The following ATG13 variants were observed in gnomAD, a reference collection of about 807,000 sequenced individuals.
The protein encoded by ATG13 is autophagy-related protein 13.
A neutral mutation model predicts 65.5 loss-of-function variants in ATG13; 23 were observed. The ratio of observed to expected loss-of-function variants is 0.35; its 90% CI spans 0.25 to 0.50. The LOEUF is 0.50. Among genes scored for constraint, ATG13 ranks in the 20% least tolerant of loss-of-function variants. The pLI, the probability that ATG13 is intolerant of heterozygous loss-of-function variation, is 0.98. For missense variants in ATG13, 566 were observed against 677.0 expected (o/e 0.84, Z 1.82); for synonymous variants, 252 against 245.2 (o/e 1.03, Z -0.26).
At chr11:46,622,115 A>G (rs1380914450) in intron 1 of ATG13, among the ~76,000 whole-genome samples, 1 of 80,678 alleles carries the variant, frequency 1.2e-5, no homozygotes, top group Non-Finnish European at 2.4e-5. Context: ...ATATATATAT[A>G]TATATATATA....
intron 10 of ATG13, among the ~76,000 whole-genome samples, chr11:46,658,826 C>A (rs1220149036): frequency 1.3e-5 from 2 of 151,916 alleles, no homozygotes; most frequent in African/African-American, 2.4e-5. Flanking sequence ...GTGAGTGAGT[C>A]TACCAATTTA....
At chr11:46,652,256 C>T (rs978496035) in intron 7 of ATG13, among the ~76,000 whole-genome samples, 7 of 150,318 alleles carry the variant, frequency 4.7e-5, no homozygotes, top group Middle Eastern at 3.5e-3. Flanking sequence ...TCAAAAAAAC[C>T]CAAACAAACT....
In ATG13 at chr11:46,656,205, A is replaced by G. The variant is rs767627519; in HGVS notation, c.459-28A>G. 1.4e-5 allele frequency: 23 copies of G among 1,604,342 alleles called. No homozygotes were observed. The Admixed American group carries it at 3.9e-4, about 27-fold the overall frequency. ...GGCCCTTAGGAGTAAAGAATCAGGT[A>G]ACATTTCTTATTTTTTCTTCCATAC... is the stretch of plus-strand genomic sequence containing the variant. On this transcript the variant is annotated intron_variant, in intron 7 of 18. Transcript: ENST00000683050.
At chr11:46,645,637 A>C (rs542902649) in intron 4 of ATG13, among the ~76,000 whole-genome samples, 1 of 152,356 alleles carries the variant, frequency 6.6e-6, no homozygotes, top group East Asian at 1.9e-4. Context: ...TGAAAAGCTT[A>C]GTCCTTGTAA....
rs993453707 is a variant in ATG13 at position 46,673,218 on chromosome 11, G to A, written c.*886G>A. The stretch of plus-strand genomic sequence containing the variant: ...TTGGAGAAGGCGGAGGGCTCTTCCT[G>A]GGACGGAGACCTCCTCCTCCGGAGG... On this transcript the variant is annotated 3_prime_UTR_variant, in exon 19 of 19. Transcript: ENST00000683050. The A allele has an allele frequency of 6.5e-6, 1 of 154,502 alleles. No individual in the cohort carries two copies. Among genetic ancestry groups the A allele is most frequent in the African/African-American group, 2.4e-5 (1 of 41,458 alleles). 9.6% of individuals were successfully genotyped at this position (154,502 alleles called of 1,614,324 possible).
chr11:46,650,075 A>T, intron 6 of ATG13, 102 bp from the exon 7 acceptor site: 1 of 1,299,186 alleles, frequency 7.7e-7, no homozygotes. Flanking sequence ...AGGTGTAATT[A>T]GAGTTCTCTG....
At chr11:46,650,416 G>C in intron 7 of ATG13, 99 bp downstream of exon 7, 1 of 1,461,652 alleles carries the variant, frequency 6.8e-7, no homozygotes, top group African/African-American at 1.4e-5. Flanking sequence ...TTGGACAGTT[G>C]GTTGGTTTGT....
intron 2 of ATG13, among the ~76,000 whole-genome samples, chr11:46,641,464 T>TG (rs1263157736): frequency 3.3e-5 from 5 of 152,326 alleles, no homozygotes; most frequent in East Asian, 3.9e-4. Flanking sequence ...ACAATATAGA[T>TG]GAATTGTATT....
At chr11:46,651,606 A>G (rs1408288788) in intron 7 of ATG13, among the ~76,000 whole-genome samples, 1 of 152,228 alleles carries the variant, frequency 6.6e-6, no homozygotes, top group Non-Finnish European at 1.5e-5. Flanking sequence ...TTACATGTAT[A>G]GAGCTGATTT....
rs142175441 is a variant in ATG13, at chr11:46,662,130, C to T, written c.790-1867C>T. Among the ~76,000 whole-genome samples the T allele has an allele frequency of 6.3e-3, 964 of 152,248 alleles. 10 individuals carry two copies. The highest frequency in any genetic ancestry group is 0.015 in the African/African-American group (640 of 41,560). On this transcript the variant is annotated intron_variant, in intron 11 of 18. Transcript: ENST00000683050. ...CATTGACAAAAAAAGCAGACAAAGA[C>T]CTACTTTCTTCCTAGTGCACATTAA...
chr11:46,618,696 T>C (rs2046209395), intron 1 of ATG13, among the ~76,000 whole-genome samples: 1 of 152,154 alleles, frequency 6.6e-6, no homozygotes, highest in South Asian at 2.1e-4. Flanking sequence ...GTTTTATGAC[T>C]GTTAGTCCTT....
intron 1 of ATG13, among the ~76,000 whole-genome samples, chr11:46,622,429 A>G (rs1385053981): frequency 6.6e-6 from 1 of 152,102 alleles, no homozygotes; most frequent in African/African-American, 2.4e-5. Context: ...GAATGCATTA[A>G]AATATTTTAA....
At chr11:46,654,823 G>C (rs2059686600) in intron 7 of ATG13, among the ~76,000 whole-genome samples, 1 of 151,868 alleles carries the variant, frequency 6.6e-6, no homozygotes, top group African/African-American at 2.4e-5. Flanking sequence ...AACAGGCCAG[G>C]CATGGTGGCT....
intron 16 of ATG13, 71 bp downstream of exon 16, chr11:46,668,647 A>T: frequency 6.4e-7 from 1 of 1,551,010 alleles, no homozygotes; most frequent in Non-Finnish European, 8.9e-7. Flanking sequence ...AGCCAGAGTC[A>T]CTAATCCCCC....
chr11:46,667,693 A>G, intron 14 of ATG13, 80 bp from the exon 15 acceptor site: 1 of 1,124,514 alleles, frequency 8.9e-7, no homozygotes, highest in Non-Finnish European at 1.3e-6. Flanking sequence ...CCACAGCCCC[A>G]CCAGATGGTG....
intron 8 of ATG13, 61 bp downstream of exon 8, chr11:46,656,334 T>A: frequency 6.8e-7 from 1 of 1,475,722 alleles, no homozygotes; most frequent in Non-Finnish European, 9.4e-7. Flanking sequence ...TCAGAGATGA[T>A]CTTCGTTTCT....
chr11:46,626,722 G>A (rs529500898), intron 1 of ATG13, among the ~76,000 whole-genome samples: 17 of 152,196 alleles, frequency 1.1e-4, no homozygotes, highest in African/African-American at 4.1e-4. Flanking sequence ...GCATTCCTTG[G>A]TGATTTGCTT....
intron 5 of ATG13, among the ~76,000 whole-genome samples, chr11:46,647,283 T>TG (rs2057841690): frequency 2.8e-5 from 1 of 35,312 alleles, no homozygotes; most frequent in Non-Finnish European, 1.3e-4. Context: ...TTTTTTTGTT[T>TG]TTTTTTTTTG....
At chr11:46,647,280 GT>G (rs60893694) in intron 5 of ATG13, among the ~76,000 whole-genome samples, 12 of 55,928 alleles carry the variant, frequency 2.1e-4, no homozygotes, top group Admixed American at 5.7e-4. Flanking sequence ...TGTTTTTTTT[GT>G]TTTTTTTTTT....
Sources: gnomAD v4.1 joint callset for allele counts (sites outside exome capture counted in the v4.1 genomes callset) on GRCh38, gnomAD v4.1.1 for gene constraint, MANE v1.5 for transcripts, NCBI Gene and HGNC (gene_info 2026-07-23, HGNC 2026-07-21) for gene names.